Variants in MARCHF3 observed in about 807,000 individuals in gnomAD.
The protein encoded by MARCHF3 is membrane associated ring-CH-type finger 3.
A neutral mutation model predicts 24.2 loss-of-function variants in MARCHF3; 13 were observed. The observed-to-expected ratio is 0.54, with a 90% CI of 0.35 to 0.85. MARCHF3 has a LOEUF of 0.85. MARCHF3 is among the 40% of genes least tolerant of loss of function. The pLI, the probability that MARCHF3 is intolerant of heterozygous loss-of-function variation, is 0.01. For missense variants in MARCHF3, 276 were observed against 325.0 expected (o/e 0.85, Z 1.16); for synonymous variants, 144 against 137.3 (o/e 1.05, Z -0.34).
At chr5:127,002,172 C>T (rs186739448) in intron 1 of MARCHF3, among the ~76,000 whole-genome samples, 1 of 152,298 alleles carries the variant, frequency 6.6e-6, no homozygotes, top group East Asian at 1.9e-4. Context: ...AACCCTATCA[C>T]GAGTGATGAA....
intron 1 of MARCHF3, among the ~76,000 whole-genome samples, chr5:126,957,250 C>T (rs1185061292): frequency 6.6e-6 from 1 of 152,008 alleles, no homozygotes; most frequent in East Asian, 1.9e-4. Flanking sequence ...ATTAGTGGTG[C>T]TTAAGAATTC....
chr5:126,967,854 T>G (rs552673578), intron 1 of MARCHF3, among the ~76,000 whole-genome samples: 74 of 152,316 alleles, frequency 4.9e-4, no homozygotes, highest in African/African-American at 1.7e-3. Flanking sequence ...CTCACTCTCT[T>G]AAAATATACA....
At chr5:127,006,930 A>G (rs1421123543) in intron 1 of MARCHF3, among the ~76,000 whole-genome samples, 1 of 152,172 alleles carries the variant, frequency 6.6e-6, no homozygotes, top group East Asian at 1.9e-4. Context: ...TATGTCTTGT[A>G]ACATTACCCT....
At chr5:126,874,369 C>A (rs1292111326) in intron 4 of MARCHF3, among the ~76,000 whole-genome samples, 2 of 152,142 alleles carry the variant, frequency 1.3e-5, no homozygotes, top group Admixed American at 6.5e-5. Context: ...AGGCAGATCA[C>A]CTGAGGTTGG....
At position 126,921,203 on chromosome 5, in the gene MARCHF3, CA is replaced by C. The variant is rs550940386; in HGVS notation, c.-56-2977del. Among the ~76,000 whole-genome samples, 61 of 152,236 alleles carry C rather than the reference CA, an allele frequency of 4.0e-4. 1 individual carries two copies. The highest frequency in any genetic ancestry group is 3.4e-3 in the Admixed American group (52 of 15,302). ...CTGGCATGCCAGCAATGAGTCCCAA[CA>C]GCCCTGAAAGACCGTGGACTTGAAT... is the stretch of plus-strand genomic sequence containing the variant. On this transcript the variant is annotated intron_variant, in intron 1 of 4. Transcript: ENST00000308660.
At chr5:127,018,232 A>G (rs1215940249) in intron 1 of MARCHF3, among the ~76,000 whole-genome samples, 1 of 151,980 alleles carries the variant, frequency 6.6e-6, no homozygotes, top group African/African-American at 2.4e-5. Context: ...TTAGCCAGGT[A>G]TGGTGGTGGG....
intron 3 of MARCHF3, among the ~76,000 whole-genome samples, chr5:126,909,252 A>G (rs1323763888): frequency 1.3e-5 from 2 of 152,228 alleles, no homozygotes; most frequent in African/African-American, 4.8e-5. Context: ...TTAAGTCTGC[A>G]GAGGTTACTG....
At chr5:126,964,439 T>A (rs1750738104) in intron 1 of MARCHF3, among the ~76,000 whole-genome samples, 1 of 152,144 alleles carries the variant, frequency 6.6e-6, no homozygotes, top group Admixed American at 6.5e-5. Flanking sequence ...TGGGAAGATA[T>A]AATACTAGCA....
At chr5:126,930,945 G>A (rs1749462750) in intron 1 of MARCHF3, among the ~76,000 whole-genome samples, 1 of 152,224 alleles carries the variant, frequency 6.6e-6, no homozygotes. Context: ...ATAATGGGAA[G>A]ATAATATGCT....
intron 1 of MARCHF3, among the ~76,000 whole-genome samples, chr5:127,022,270 G>C (rs1315546663): frequency 6.6e-6 from 1 of 152,186 alleles, no homozygotes; most frequent in Non-Finnish European, 1.5e-5. Context: ...CAAGTCCTTT[G>C]AGAATGGTCA....
chr5:126,923,668 G>A (rs1316397717), intron 1 of MARCHF3, among the ~76,000 whole-genome samples: 1 of 152,180 alleles, frequency 6.6e-6, no homozygotes, highest in African/African-American at 2.4e-5. Flanking sequence ...CAGGAATAAA[G>A]TTTCAGTCCA....
At chr5:126,922,183 C>A (rs1356079435) in intron 1 of MARCHF3, among the ~76,000 whole-genome samples, 2 of 152,322 alleles carry the variant, frequency 1.3e-5, no homozygotes, top group East Asian at 1.9e-4. Context: ...GCCTCAGCAG[C>A]CCCCAAACCT....
chr5:126,890,240 G>C (rs1437966149), intron 3 of MARCHF3, among the ~76,000 whole-genome samples: 1 of 150,874 alleles, frequency 6.6e-6, no homozygotes, highest in Non-Finnish European at 1.5e-5. Context: ...TCACAGACTT[G>C]TCTTCAGAAA....
intron 1 of MARCHF3, among the ~76,000 whole-genome samples, chr5:126,984,345 AG>A (rs1751490939): frequency 6.6e-6 from 1 of 152,204 alleles, no homozygotes; most frequent in South Asian, 2.1e-4. Context: ...CCCCTTCTAC[AG>A]CAGGACAGGG....
intron 3 of MARCHF3, among the ~76,000 whole-genome samples, chr5:126,888,783 G>A (rs1433126130): frequency 6.6e-6 from 1 of 151,744 alleles, no homozygotes; most frequent in Non-Finnish European, 1.5e-5. Context: ...TTCTTTTTTT[G>A]AGATGGAGTC....
intron 1 of MARCHF3, among the ~76,000 whole-genome samples, chr5:126,995,066 G>A (rs1561464520): frequency 6.6e-6 from 1 of 152,210 alleles, no homozygotes; most frequent in Non-Finnish European, 1.5e-5. Flanking sequence ...CCAGATTGAA[G>A]GTGGGTCGGC....
At chr5:126,986,152 G>T (rs1751559080) in intron 1 of MARCHF3, among the ~76,000 whole-genome samples, 1 of 152,180 alleles carries the variant, frequency 6.6e-6, no homozygotes, top group Non-Finnish European at 1.5e-5. Flanking sequence ...CAAAAGACCT[G>T]GAGTTTGTAG....
intron 1 of MARCHF3, among the ~76,000 whole-genome samples, chr5:126,991,236 A>G (rs964106785): frequency 2.0e-5 from 3 of 152,224 alleles, no homozygotes; most frequent in African/African-American, 7.2e-5. Context: ...AGATGAGTTC[A>G]TGTCCTTTGC....
intron 3 of MARCHF3, among the ~76,000 whole-genome samples, chr5:126,900,437 C>T (rs574052495): frequency 6.6e-6 from 1 of 152,110 alleles, no homozygotes; most frequent in African/African-American, 2.4e-5. Context: ...AAAGAGACTC[C>T]AGAGAACTAG....
Sources: gnomAD v4.1 joint callset for allele counts (sites outside exome capture counted in the v4.1 genomes callset) on GRCh38, gnomAD v4.1.1 for gene constraint, MANE v1.5 for transcripts, NCBI Gene and HGNC (gene_info 2026-07-23, HGNC 2026-07-21) for gene names.